Variants in ZMAT4 observed in about 807,000 individuals in gnomAD.
ZMAT4 encodes the protein zinc finger matrin-type protein 4.
A neutral mutation model predicts 28.7 loss-of-function variants in ZMAT4; 17 were observed. The ratio of observed to expected loss-of-function variants is 0.59; its 90% CI spans 0.41 to 0.89. The LOEUF (loss-of-function observed/expected upper bound fraction) is 0.89, where lower values mean the gene tolerates loss of function less well. Among genes scored for constraint, ZMAT4 ranks in the 40% least tolerant of loss-of-function variants. The probability of loss-of-function intolerance (pLI) is 0.00; values close to 1 mark genes in which losing one functional copy is unlikely to be tolerated. For synonymous variants in ZMAT4, 117 were observed against 109.2 expected (o/e 1.07, Z -0.44); for missense variants, 240 against 283.8 (o/e 0.85, Z 1.11).
chr8:40,862,074 A>C (rs1268370454), intron 1 of ZMAT4, among the ~76,000 whole-genome samples: 1 of 152,224 alleles, frequency 6.6e-6, no homozygotes, highest in African/African-American at 2.4e-5. Context: ...TACTGGGTAT[A>C]TACCCAAAGG....
chr8:40,846,535 C>T (rs773689119), intron 1 of ZMAT4, among the ~76,000 whole-genome samples: 6 of 152,204 alleles, frequency 3.9e-5, no homozygotes, highest in Non-Finnish European at 8.8e-5. Context: ...AAAATCATTG[C>T]GCTGTTTGTT....
At chr8:40,806,074 A>G (rs1315089893) in intron 2 of ZMAT4, among the ~76,000 whole-genome samples, 11 of 152,232 alleles carry the variant, frequency 7.2e-5, no homozygotes, top group Non-Finnish European at 1.5e-4. Context: ...GGAACATTTC[A>G]TCTTTATACC....
chr8:40,649,635 C>G (rs1807536470), intron 5 of ZMAT4, among the ~76,000 whole-genome samples: 1 of 151,736 alleles, frequency 6.6e-6, no homozygotes, highest in Non-Finnish European at 1.5e-5. Context: ...TTTTTCAGCA[C>G]CACACCACAC....
At chr8:40,886,893 A>T (rs1421240650) in intron 1 of ZMAT4, among the ~76,000 whole-genome samples, 1 of 152,154 alleles carries the variant, frequency 6.6e-6, no homozygotes, top group Non-Finnish European at 1.5e-5. Context: ...GTTTTGAGGT[A>T]GGGCGCAGTG....
chr8:40,674,241 C>G (rs1205688587), intron 5 of ZMAT4: 1 of 152,986 alleles, frequency 6.5e-6, no homozygotes, highest in African/African-American at 2.4e-5. Context: ...ATTATAGGTG[C>G]GCACTGCCAC....
intron 2 of ZMAT4, among the ~76,000 whole-genome samples, chr8:40,818,897 G>T (rs1434026483): frequency 6.6e-6 from 1 of 152,196 alleles, no homozygotes; most frequent in African/African-American, 2.4e-5. Flanking sequence ...GTCTATGGGA[G>T]AAAAGGCAAC....
intron 4 of ZMAT4, among the ~76,000 whole-genome samples, chr8:40,694,064 CT>C (rs372267389): frequency 2.6e-5 from 4 of 151,474 alleles, no homozygotes; most frequent in Admixed American, 1.3e-4. Flanking sequence ...TTCTGTGTTC[CT>C]TTTTTTTTCC....
At chr8:40,832,743 C>A (rs753174320) in intron 1 of ZMAT4, among the ~76,000 whole-genome samples, 14 of 152,208 alleles carry the variant, frequency 9.2e-5, no homozygotes, top group Non-Finnish European at 1.6e-4. Flanking sequence ...AGGAGGCCTT[C>A]CGCTGTTGTT....
At chr8:40,642,386 T>C (rs942859902) in intron 5 of ZMAT4, among the ~76,000 whole-genome samples, 1 of 152,166 alleles carries the variant, frequency 6.6e-6, no homozygotes, top group African/African-American at 2.4e-5. Context: ...AAACATTTAG[T>C]CTTCCTAATC....
intron 5 of ZMAT4, among the ~76,000 whole-genome samples, chr8:40,622,345 C>T (rs1806231384): frequency 6.6e-6 from 1 of 152,200 alleles, no homozygotes; most frequent in Non-Finnish European, 1.5e-5. Context: ...GCCCCAAATG[C>T]CTGCCTTCTC....
intron 6 of ZMAT4, among the ~76,000 whole-genome samples, chr8:40,535,029 G>A (rs1273951637): frequency 6.6e-6 from 1 of 152,088 alleles, no homozygotes; most frequent in Non-Finnish European, 1.5e-5. Flanking sequence ...TGTTAATAGG[G>A]ACTTTTCATG....
intron 1 of ZMAT4, among the ~76,000 whole-genome samples, chr8:40,837,206 A>G (rs1382475365): frequency 6.6e-6 from 1 of 152,250 alleles, no homozygotes; most frequent in Non-Finnish European, 1.5e-5. Flanking sequence ...TGATGGACAC[A>G]GTTCCAGGCC....
chr8:40,576,742 A>G (rs1804279005), intron 6 of ZMAT4, among the ~76,000 whole-genome samples: 2 of 152,226 alleles, frequency 1.3e-5, no homozygotes, highest in Non-Finnish European at 2.9e-5. Context: ...TGGGACAGAT[A>G]AACAAAAGAG....
intron 5 of ZMAT4, among the ~76,000 whole-genome samples, chr8:40,628,949 T>C (rs1222159283): frequency 6.6e-5 from 10 of 151,804 alleles, no homozygotes; most frequent in Non-Finnish European, 1.3e-4. Context: ...CTATGAAACA[T>C]CACATGTAGA....
chr8:40,820,392 TTGTG>T (rs926194791), intron 2 of ZMAT4, among the ~76,000 whole-genome samples: 2 of 148,318 alleles, frequency 1.3e-5, no homozygotes, highest in Non-Finnish European at 3.0e-5. Context: ...GTAGAGGTGT[TTGTG>T]TGTATGTGTG....
intron 3 of ZMAT4, among the ~76,000 whole-genome samples, chr8:40,705,731 G>A (rs764779367): frequency 1.3e-5 from 2 of 152,130 alleles, no homozygotes; most frequent in Non-Finnish European, 2.9e-5. Context: ...TGTGGCAAGA[G>A]CACTTAACAC....
At chr8:40,588,260 T>C (rs1471015535) in intron 5 of ZMAT4, among the ~76,000 whole-genome samples, 1 of 152,020 alleles carries the variant, frequency 6.6e-6, no homozygotes, top group Non-Finnish European at 1.5e-5. Flanking sequence ...GTATTGACTC[T>C]TACAAAGTGA....
At chr8:40,846,917 G>A (rs1352937464) in intron 1 of ZMAT4, among the ~76,000 whole-genome samples, 1 of 152,162 alleles carries the variant, frequency 6.6e-6, no homozygotes, top group African/African-American at 2.4e-5. Context: ...TAAAAAAGGA[G>A]TGGGGAATGC....
At chr8:40,764,585 G>A (rs1312564773) in intron 3 of ZMAT4, among the ~76,000 whole-genome samples, 1 of 152,154 alleles carries the variant, frequency 6.6e-6, no homozygotes, top group African/African-American at 2.4e-5. Context: ...CAGGGCAGAT[G>A]TGAATGCTCT....
Sources: gnomAD v4.1 joint callset for allele counts (sites outside exome capture counted in the v4.1 genomes callset) on GRCh38, gnomAD v4.1.1 for gene constraint, MANE v1.5 for transcripts, NCBI Gene and HGNC (gene_info 2026-07-23, HGNC 2026-07-21) for gene names.